WAC: variants seen among roughly 807,000 people sequenced by gnomAD.
The protein encoded by WAC is WW domain containing adaptor with coiled-coil, also known as WW domain-containing adapter protein with coiled-coil.
Under a neutral mutation model 79.6 loss-of-function variants are expected in WAC, and 11 were observed. The observed-to-expected ratio is 0.14, with a 90% CI of 0.09 to 0.23. WAC has a LOEUF of 0.23. Ranked by LOEUF, WAC falls within the 10% of genes least tolerant of loss-of-function variation. The pLI, the probability that WAC is intolerant of heterozygous loss-of-function variation, is 1.00. For missense variants in WAC, 728 were observed against 773.5 expected (o/e 0.94, Z 0.70); for synonymous variants, 304 against 276.9 (o/e 1.10, Z -0.97).
Position 28,608,484 on chromosome 10 carries a change from G to A in WAC, c.1165+53G>A, listed in dbSNP as rs1227729215. On this transcript the variant is annotated intron_variant, in intron 8 of 13. Coordinates refer to ENST00000354911, the MANE Select transcript of WAC (RefSeq NM_016628.5). Reference sequence around the variant, plus strand: ...ATTTATTTGCATTGTGCAAAGTTATGTAAGTAGTAAAATCCCCAGTTTAGG... The same window carrying A: ...ATTTATTTGCATTGTGCAAAGTTATATAAGTAGTAAAATCCCCAGTTTAGG... 5 of 1,475,940 alleles carry A rather than the reference G, an allele frequency of 3.4e-6. No homozygotes were observed. In the Admixed American group the frequency reaches 7.0e-5, roughly 21 times the overall value. The allele number at this position is 1,475,940 out of a possible 1,614,324, so 91.4% of individuals were successfully genotyped here. A position where few individuals can be genotyped will look rare whatever the true frequency, so the allele number is the denominator to read the frequency against.
intron 7 of WAC, among the ~76,000 whole-genome samples, chr10:28,601,136 T>C (rs1840625316): frequency 6.6e-6 from 1 of 151,990 alleles, no homozygotes; most frequent in South Asian, 2.1e-4. Context: ...GGAGTGAAAA[T>C]GCTATTCATA....
chr10:28,572,282 A>G (rs1395215086), intron 3 of WAC, among the ~76,000 whole-genome samples: 2 of 148,830 alleles, frequency 1.3e-5, no homozygotes, highest in African/African-American at 5.0e-5. Flanking sequence ...TTTTGCAGTG[A>G]GCCGAGATCG....
At chr10:28,550,628 G>C (rs1837615279) in intron 3 of WAC, among the ~76,000 whole-genome samples, 1 of 152,064 alleles carries the variant, frequency 6.6e-6, no homozygotes, top group Admixed American at 6.6e-5. Context: ...ACAGGTGAGT[G>C]GCAGAAATCT....
chr10:28,564,841 T>C (rs193042212), intron 3 of WAC, among the ~76,000 whole-genome samples: 189 of 152,368 alleles, frequency 1.2e-3, no homozygotes, highest in African/African-American at 4.4e-3. Context: ...GAGATTTTAC[T>C]AGATTTGCAT....
In WAC at chr10:28,620,662, G is replaced by C. The variant is rs1017309216; in HGVS notation, c.*1056G>C. On this transcript the variant is annotated 3_prime_UTR_variant, in exon 14 of 14. Transcript: ENST00000354911. ...TAATTGAAATAATTCCTTAAGGGAGGTTTTGTTTAAAACGTATTAACAGGA... is the reference window on the plus strand; with the variant it reads ...TAATTGAAATAATTCCTTAAGGGAGCTTTTGTTTAAAACGTATTAACAGGA... 2.0e-5 allele frequency: 3 copies of C among 152,158 alleles called. No individual in the cohort carries two copies. The highest frequency in any genetic ancestry group is 2.9e-5 in the Non-Finnish European group (2 of 68,026). 9.4% of individuals were successfully genotyped at this position (152,158 alleles called of 1,614,324 possible).
At chr10:28,535,779 AC>A (rs779081417) in intron 3 of WAC, 22 bp downstream of exon 3, 112 of 1,578,942 alleles carry the variant, frequency 7.1e-5, no homozygotes, top group Non-Finnish European at 4.1e-5. Flanking sequence ...TCTTGTTGAA[AC>A]TTTGACATAC....
intron 7 of WAC, among the ~76,000 whole-genome samples, chr10:28,606,326 A>G (rs1840950893): frequency 6.6e-6 from 1 of 152,186 alleles, no homozygotes; most frequent in African/African-American, 2.4e-5. Context: ...GTGAGCCACC[A>G]CGTCCATCTG....
intron 3 of WAC, among the ~76,000 whole-genome samples, chr10:28,550,116 C>A (rs1045597944): frequency 6.7e-6 from 1 of 150,214 alleles, no homozygotes; most frequent in African/African-American, 2.5e-5. Flanking sequence ...TCGCGGTGAG[C>A]GGAGATCACA....
intron 11 of WAC, chr10:28,615,864 A>G (rs1190574509): frequency 4.4e-6 from 1 of 229,274 alleles, no homozygotes; most frequent in Non-Finnish European, 8.5e-6. Flanking sequence ...AGCTGTTAAA[A>G]TGTGACTTTT....
chr10:28,606,251 C>T (rs181869355), intron 7 of WAC, among the ~76,000 whole-genome samples: 1 of 152,214 alleles, frequency 6.6e-6, no homozygotes, highest in Non-Finnish European at 1.5e-5. Context: ...GGGGTTTTGC[C>T]GTGTTGCCCA....
chr10:28,597,827 A>C (rs1322071279), intron 7 of WAC, among the ~76,000 whole-genome samples: 1 of 152,144 alleles, frequency 6.6e-6, no homozygotes, highest in African/African-American at 2.4e-5. Flanking sequence ...CCACCCATTG[A>C]GAAATCTTGG....
At chr10:28,570,106 G>A (rs1838861469) in intron 3 of WAC, among the ~76,000 whole-genome samples, 2 of 152,154 alleles carry the variant, frequency 1.3e-5, no homozygotes, top group African/African-American at 2.4e-5. Flanking sequence ...ATCTGTAAGG[G>A]AGAATTTACT....
chr10:28,576,828 A>C (rs1431921306), intron 3 of WAC, among the ~76,000 whole-genome samples: 1 of 152,218 alleles, frequency 6.6e-6, no homozygotes. Context: ...AGTAGCCAAC[A>C]TCTGGAATTT....
In WAC at chr10:28,590,819, G is replaced by A. The variant is rs748119501; in HGVS notation, c.597G>A (p.Gly199=). The A allele has an allele frequency of 3.1e-6, 5 of 1,608,348 alleles. No homozygotes were observed. The highest frequency in any genetic ancestry group is 4.2e-6 in the Non-Finnish European group (5 of 1,178,420). The change falls in exon 6 of 14, where the codon GGG becomes GGA. Residue 199 remains glycine (G), a synonymous_variant. Coordinates refer to ENST00000354911, the MANE Select transcript of WAC (RefSeq NM_016628.5). The part of the protein sequence containing the change: ...REVMQATATS[G]FASGMEDKHS... Reference sequence around the variant, plus strand: ...TGATGCAAGCAACAGCCACTAGTGGGTTTGCCAGTGGAAGTAAGTATTAAT... The same window carrying A: ...TGATGCAAGCAACAGCCACTAGTGGATTTGCCAGTGGAAGTAAGTATTAAT...
chr10:28,597,142 T>C (rs1840418579), intron 7 of WAC, among the ~76,000 whole-genome samples: 1 of 152,150 alleles, frequency 6.6e-6, no homozygotes, highest in Non-Finnish European at 1.5e-5. Flanking sequence ...TTAGTATATA[T>C]ATCATACAGT....
intron 7 of WAC, among the ~76,000 whole-genome samples, 173 bp from the exon 8 acceptor site, chr10:28,608,013 T>C (rs1841044622): frequency 1.3e-5 from 2 of 152,204 alleles, no homozygotes; most frequent in Non-Finnish European, 2.9e-5. Flanking sequence ...AATGTCTAAA[T>C]CATTATTCTA....
chr10:28,533,379 A>C lies in WAC; in HGVS notation c.-201A>C, dbSNP rs940153593. The C allele has an allele frequency of 5.9e-4, 92 of 157,236 alleles. No homozygotes were observed. The highest frequency in any genetic ancestry group is 1.2e-3 in the Non-Finnish European group (84 of 71,798). 9.7% of individuals were successfully genotyped at this position (157,236 alleles called of 1,614,324 possible). On this transcript the variant is annotated 5_prime_UTR_variant, in exon 1 of 14. Coordinates refer to ENST00000354911, the MANE Select transcript of WAC (RefSeq NM_016628.5). ...GTAGTTGGCGCCGCTGCCCCGGCTG[A>C]GAGTGAGCGTGGTGTCGACGGAGGG...
intron 6 of WAC, among the ~76,000 whole-genome samples, chr10:28,592,593 C>T (rs1840148061): frequency 6.6e-6 from 1 of 151,922 alleles, no homozygotes; most frequent in South Asian, 2.1e-4. Flanking sequence ...TGTACTCCAG[C>T]CTGGGTGACA....
chr10:28,550,474 G>T (rs1347979581), intron 3 of WAC, among the ~76,000 whole-genome samples: 1 of 149,868 alleles, frequency 6.7e-6, no homozygotes, highest in Non-Finnish European at 1.5e-5. Flanking sequence ...GTAGAGATTT[G>T]TAATTATTTA....
Sources: allele counts gnomAD v4.1 joint callset (sites outside exome capture counted in the v4.1 genomes callset), GRCh38; gene constraint gnomAD v4.1.1; transcripts MANE v1.5; gene names NCBI Gene and HGNC (gene_info 2026-07-23, HGNC 2026-07-21).